The following SESN3 variants were observed in gnomAD, a reference collection of about 807,000 sequenced individuals.
SESN3 encodes sestrin-3.
A neutral mutation model predicts 55.3 loss-of-function variants in SESN3; 21 were observed. The observed-to-expected ratio is 0.38, with a 90% CI of 0.27 to 0.55. The LOEUF (loss-of-function observed/expected upper bound fraction) is 0.55. Ranked by LOEUF, SESN3 falls within the 20% of genes least tolerant of loss-of-function variation. The probability of loss-of-function intolerance (pLI) is 0.76; values close to 1 mark genes in which losing one functional copy is unlikely to be tolerated. For synonymous variants in SESN3, 181 were observed against 203.1 expected (o/e 0.89, Z 0.93); for missense variants, 408 against 604.3 (o/e 0.68, Z 3.41).
intron 1 of SESN3, among the ~76,000 whole-genome samples, chr11:95,212,848 C>T (rs1860684474): frequency 6.6e-6 from 1 of 152,134 alleles, no homozygotes; most frequent in Non-Finnish European, 1.5e-5. Context: ...CTTTGGATAT[C>T]TATTAAACCT....
intron 1 of SESN3, among the ~76,000 whole-genome samples, chr11:95,212,915 C>T (rs1860685350): frequency 6.6e-6 from 1 of 152,068 alleles, no homozygotes; most frequent in Non-Finnish European, 1.5e-5. Flanking sequence ...TTTGAATCTG[C>T]TCTCTGTACT....
At chr11:95,210,958 T>C (rs1348901855) in intron 1 of SESN3, among the ~76,000 whole-genome samples, 1 of 152,130 alleles carries the variant, frequency 6.6e-6, no homozygotes, top group Non-Finnish European at 1.5e-5. Flanking sequence ...CAAAAGCAGC[T>C]AGTTTACAAT....
chr11:95,218,020 T>C (rs963493387), intron 1 of SESN3, among the ~76,000 whole-genome samples: 7 of 152,176 alleles, frequency 4.6e-5, no homozygotes, highest in Non-Finnish European at 1.0e-4. Context: ...ACACCAACAC[T>C]CACATATTCC....
chr11:95,210,717 A>G (rs1439543733), intron 1 of SESN3, among the ~76,000 whole-genome samples: 2 of 152,254 alleles, frequency 1.3e-5, no homozygotes, highest in Non-Finnish European at 2.9e-5. Flanking sequence ...ACAGAAAGGA[A>G]GACTAAAGAA....
chr11:95,189,229 T>C (rs545901869), intron 4 of SESN3, among the ~76,000 whole-genome samples: 9 of 152,020 alleles, frequency 5.9e-5, no homozygotes, highest in East Asian at 1.9e-4. Context: ...CCTTCAGAAA[T>C]ACAAGTGCTC....
intron 1 of SESN3, among the ~76,000 whole-genome samples, chr11:95,218,243 T>G (rs532935269): frequency 5.3e-5 from 8 of 152,352 alleles, no homozygotes; most frequent in African/African-American, 1.9e-4. Flanking sequence ...GCCCAAAATA[T>G]TATTACCCAG....
chr11:95,192,934 A>C (rs1336820662), intron 2 of SESN3, among the ~76,000 whole-genome samples: 1 of 145,872 alleles, frequency 6.9e-6, no homozygotes, highest in African/African-American at 2.4e-5. Flanking sequence ...ACATTAATAG[A>C]TTCATATGAT....
chr11:95,179,178 A>G (rs993502438), intron 6 of SESN3, among the ~76,000 whole-genome samples: 2 of 151,448 alleles, frequency 1.3e-5, no homozygotes, highest in African/African-American at 4.9e-5. Context: ...TTTTTGAGAC[A>G]GAGTCTTGCT....
chr11:95,222,406 T>C (rs1860874310), intron 1 of SESN3, among the ~76,000 whole-genome samples: 1 of 152,204 alleles, frequency 6.6e-6, no homozygotes, highest in South Asian at 2.1e-4. Flanking sequence ...ATCTTTGCTA[T>C]TGCACTTCTG....
intron 6 of SESN3, among the ~76,000 whole-genome samples, chr11:95,183,157 G>C (rs2134225086): frequency 6.6e-6 from 1 of 152,220 alleles, no homozygotes; most frequent in South Asian, 2.1e-4. Context: ...CTAACACCAT[G>C]CTGAAACTCT....
chr11:95,203,893 T>C (rs948676059), intron 1 of SESN3: 5 of 152,368 alleles, frequency 3.3e-5, no homozygotes, highest in African/African-American at 7.2e-5. Context: ...TCCAGCAGTA[T>C]GTCTCCAAAT....
chr11:95,191,619 C>A lies in SESN3; in HGVS notation c.145-18G>T, dbSNP rs778850917. On this transcript the variant is annotated intron_variant, in intron 2 of 9. Coordinates refer to ENST00000536441, the MANE Select transcript of SESN3 (RefSeq NM_144665.4). ...TGGACAACCTTATAACCAAAAAAAA[C>A]AAAACAAAATGACTATTGAGACATA... is the stretch of plus-strand genomic sequence containing the variant. 4 of 1,584,524 alleles carry A rather than the reference C, an allele frequency of 2.5e-6. No individual in the cohort carries two copies. Among genetic ancestry groups the A allele is most frequent in the Admixed American group, 3.4e-5 (2 of 59,232 alleles).
rs563322416 is a variant in SESN3 at position 95,167,475 on chromosome 11, C to CCCCAT, written c.*5779_*5780insATGGG. The CCCCAT allele has an allele frequency of 2.0e-5, 3 of 150,934 alleles. No homozygotes were observed. Among genetic ancestry groups the CCCCAT allele is most frequent in the African/African-American group, 7.4e-5 (3 of 40,336 alleles). The allele number at this position is 150,934 out of a possible 1,614,324, so 9.3% of individuals were successfully genotyped here. A position where few individuals can be genotyped will look rare whatever the true frequency, so the allele number is the denominator to read the frequency against. On this transcript the variant is annotated 3_prime_UTR_variant, in exon 10 of 10. Transcript: ENST00000536441. The stretch of plus-strand genomic sequence containing the variant: ...TCAGATATTCATTCTGTTTCCCCCC[C>CCCCAT]ATATATATAATTTTTCATTCTGTAC...
At chr11:95,231,305 G>T, upstream of SESN3, 1 of 389,992 alleles carries the variant, frequency 2.6e-6, no homozygotes, top group Non-Finnish European at 4.5e-6. Context: ...GCGCTAGCCC[G>T]CAGCCAATGA....
intron 8 of SESN3, among the ~76,000 whole-genome samples, chr11:95,177,365 A>G (rs1859977240): frequency 6.6e-6 from 1 of 152,312 alleles, no homozygotes; most frequent in East Asian, 1.9e-4. Context: ...TAACTAAACA[A>G]ACCAGAATTT....
At chr11:95,206,511 T>C (rs771013588) in intron 1 of SESN3, among the ~76,000 whole-genome samples, 1 of 152,256 alleles carries the variant, frequency 6.6e-6, no homozygotes, top group South Asian at 2.1e-4. Context: ...GAAAAAGCTA[T>C]AATTATGCTA....
chr11:95,175,344 A>G (rs1219259596), intron 9 of SESN3, among the ~76,000 whole-genome samples, 154 bp downstream of exon 9: 1 of 152,182 alleles, frequency 6.6e-6, no homozygotes, highest in Non-Finnish European at 1.5e-5. Context: ...AGCCTGGCAA[A>G]CAAACAAGCA....
chr11:95,222,447 A>C lies in SESN3; in HGVS notation c.78+8336T>G, dbSNP rs148144639. Among the ~76,000 whole-genome samples, 1,015 of 152,340 alleles carry C rather than the reference A, an allele frequency of 6.7e-3. 11 individuals carry two copies. The highest frequency in any genetic ancestry group is 0.024 in the African/African-American group (978 of 41,576). ...GTTTCTTATAAAGAGAACAAAATAA[A>C]GCCATAGAAGAACAGACATATTTTG... On this transcript the variant is annotated intron_variant, in intron 1 of 9. Transcript: ENST00000536441.
intron 4 of SESN3, among the ~76,000 whole-genome samples, chr11:95,186,334 AC>A (rs1240329447): frequency 1.3e-5 from 2 of 151,772 alleles, no homozygotes; most frequent in African/African-American, 4.8e-5. Flanking sequence ...ACAAAACAAA[AC>A]AAAACAAAAT....
Sources: allele counts gnomAD v4.1 joint callset (sites outside exome capture counted in the v4.1 genomes callset), GRCh38; gene constraint gnomAD v4.1.1; transcripts MANE v1.5; gene names NCBI Gene and HGNC (gene_info 2026-07-23, HGNC 2026-07-21).